The following DDX50 variants were observed in gnomAD, a reference collection of about 807,000 sequenced individuals.
DDX50 encodes the protein ATP-dependent RNA helicase DDX50.
In DDX50, 56 loss-of-function variants were observed where a neutral mutation model predicts 94.8. The ratio of observed to expected loss-of-function variants is 0.59; its 90% CI spans 0.48 to 0.74. DDX50 has a LOEUF of 0.74. Ranked by LOEUF, DDX50 falls within the 30% of genes least tolerant of loss-of-function variation. The pLI is 0.00. For missense variants in DDX50, 713 were observed against 881.2 expected (o/e 0.81, Z 2.42); for synonymous variants, 264 against 295.4 (o/e 0.89, Z 1.09).
At chr10:68,936,732 T>A (rs953021563) in intron 11 of DDX50, among the ~76,000 whole-genome samples, 5 of 151,158 alleles carry the variant, frequency 3.3e-5, no homozygotes, top group African/African-American at 1.2e-4. Context: ...TCCCAGCTAC[T>A]TGGAAGGCTG....
At chr10:68,913,664 T>G in intron 6 of DDX50, 88 bp downstream of exon 6, 7 of 1,294,100 alleles carry the variant, frequency 5.4e-6, no homozygotes, top group Non-Finnish European at 7.4e-6. Flanking sequence ...TTTATTGCAG[T>G]GTCCCCTGCG....
At chr10:68,923,540 A>G (rs1841998001) in intron 8 of DDX50, among the ~76,000 whole-genome samples, 1 of 151,148 alleles carries the variant, frequency 6.6e-6, no homozygotes, top group African/African-American at 2.4e-5. Flanking sequence ...TATTTTATTT[A>G]TTATCTTTTA....
chr10:68,935,955 A>G, intron 10 of DDX50, 51 bp from the exon 11 acceptor site: 1 of 1,250,402 alleles, frequency 8.0e-7, no homozygotes, highest in South Asian at 1.3e-5. Context: ...TAATTTAGGA[A>G]TTAATTGTAA....
intron 1 of DDX50, among the ~76,000 whole-genome samples, chr10:68,904,433 G>A (rs1841383130): frequency 6.6e-6 from 1 of 152,202 alleles, no homozygotes; most frequent in Admixed American, 6.5e-5. Context: ...GAGGAAGGGA[G>A]TCTGGAAGTA....
At chr10:68,909,669 GTTC>G (rs1377654835) in intron 2 of DDX50, among the ~76,000 whole-genome samples, 1 of 150,016 alleles carries the variant, frequency 6.7e-6, no homozygotes, top group East Asian at 1.9e-4. Flanking sequence ...TTTTTTTCTT[GTTC>G]TTCTTTTGAG....
chr10:68,943,935 T>C (rs938063974), intron 14 of DDX50, among the ~76,000 whole-genome samples: 2 of 152,208 alleles, frequency 1.3e-5, no homozygotes, highest in African/African-American at 4.8e-5. Flanking sequence ...ACTTGTATAA[T>C]GAATCTCCAT....
chr10:68,938,608 G>A (rs1274398346), intron 12 of DDX50, among the ~76,000 whole-genome samples: 4 of 152,156 alleles, frequency 2.6e-5, no homozygotes, highest in Non-Finnish European at 4.4e-5. Flanking sequence ...AAAGGGCAGG[G>A]CAGGTTCACT....
intron 14 of DDX50, among the ~76,000 whole-genome samples, chr10:68,945,129 T>C (rs1842639566): frequency 6.6e-6 from 1 of 152,180 alleles, no homozygotes; most frequent in African/African-American, 2.4e-5. Flanking sequence ...TGCATTGCCA[T>C]GTTTATCTCT....
intron 7 of DDX50, among the ~76,000 whole-genome samples, chr10:68,915,446 G>A (rs12413851): frequency 0.076 from 11,534 of 151,034 alleles, 588 homozygotes; most frequent in African/African-American, 0.14. Context: ...GGCTGGGTGC[G>A]GTGGCTCACG....
chr10:68,944,393 T>G (rs139866337), intron 14 of DDX50, among the ~76,000 whole-genome samples: 1 of 152,314 alleles, frequency 6.6e-6, no homozygotes, highest in Non-Finnish European at 1.5e-5. Context: ...AATGAAGAAT[T>G]TGTCTATTGT....
intron 2 of DDX50, among the ~76,000 whole-genome samples, chr10:68,909,431 C>T (rs80296412): frequency 1.7e-3 from 254 of 152,266 alleles, no homozygotes; most frequent in Non-Finnish European, 2.9e-3. Flanking sequence ...GTATTAGCAA[C>T]CTAAATAAGC....
intron 12 of DDX50, among the ~76,000 whole-genome samples, chr10:68,937,325 C>T (rs538696441): frequency 1.4e-4 from 21 of 152,100 alleles, no homozygotes; most frequent in Admixed American, 3.9e-4. Context: ...TAACCACATA[C>T]GATCCACCTA....
chr10:68,916,952 C>T (rs1167112150), intron 7 of DDX50, among the ~76,000 whole-genome samples: 1 of 152,126 alleles, frequency 6.6e-6, no homozygotes, highest in African/African-American at 2.4e-5. Flanking sequence ...TCTCGAAGTG[C>T]TGGGGTTACA....
intron 2 of DDX50, among the ~76,000 whole-genome samples, chr10:68,908,033 T>C (rs1432881356): frequency 2.6e-5 from 4 of 152,228 alleles, no homozygotes. Flanking sequence ...TAGGAAAATA[T>C]TTAAACATCC....
chr10:68,932,966 T>G (rs564453297), intron 8 of DDX50, among the ~76,000 whole-genome samples: 12 of 152,212 alleles, frequency 7.9e-5, no homozygotes, highest in South Asian at 4.1e-4. Flanking sequence ...ACCCAGAAAT[T>G]CAACTTCTAG....
chr10:68,914,222 A>G lies in DDX50; in HGVS notation c.1089+18A>G, dbSNP rs766219695. 14 of 1,602,808 alleles carry G rather than the reference A, an allele frequency of 8.7e-6. No homozygotes were observed. Among genetic ancestry groups the G allele is most frequent in the African/African-American group, 1.3e-5 (1 of 74,318 alleles). ...CTGTGGAAGTAAGTAGCTTTCTAGC[A>G]TGATAGATTTTAGCTTTTAGTTGGT... On this transcript the variant is annotated intron_variant, in intron 7 of 14. Coordinates refer to ENST00000373585, the MANE Select transcript of DDX50 (RefSeq NM_024045.2).
chr10:68,936,488 CAAAAAAAAAAA>C (rs1212336346), intron 11 of DDX50, among the ~76,000 whole-genome samples: 13 of 26,820 alleles, frequency 4.8e-4, no homozygotes, highest in Middle Eastern at 0.045. Flanking sequence ...GACTCTGTCT[CAAAAAAAAAAA>C]AAAAAAAAAA....
chr10:68,923,937 CTTTTTTTTTTTTTTTTTTTTT>C (rs56820953), intron 8 of DDX50, among the ~76,000 whole-genome samples: 1 of 42,410 alleles, frequency 2.4e-5, no homozygotes, highest in Non-Finnish European at 3.9e-5. Flanking sequence ...AGATAGTCTG[CTTTTTTTTTTTTTTTTTTTTT>C]TTTTTTTTTG....
Position 68,906,835 on chromosome 10 carries a change from A to G in DDX50, c.212A>G (p.Asn71Ser), listed in dbSNP as rs1199087707. ...AAATCTAAAATGAAAGAGAAGCTAA[A>G]TGGAGACACTGAAGAAGGATTTAAT... ...AKKSKMKEKL[N>S]GDTEEGFNRL... is the part of the protein sequence containing the mutation. The change falls in exon 2 of 15, where the codon AAT (asparagine) becomes AGT (serine). Residue 71 changes from asparagine (N) to serine (S), a missense_variant. Physicochemically the swap from Asn to Ser is conservative, Grantham distance 46. This residue lies in a region of DDX50 where 285 missense variants were observed against 278.9 expected (regional missense o/e 1.02). Coordinates refer to ENST00000373585, the MANE Select transcript of DDX50 (RefSeq NM_024045.2). The G allele has an allele frequency of 6.2e-7, 1 of 1,613,918 alleles. No homozygotes were observed. Among genetic ancestry groups the G allele is most frequent in the Non-Finnish European group, 8.5e-7 (1 of 1,179,986 alleles).
Sources: allele counts gnomAD v4.1 joint callset (sites outside exome capture counted in the v4.1 genomes callset), GRCh38; gene constraint gnomAD v4.1.1; regional missense constraint gnomAD v4.1.1; transcripts MANE v1.5; gene names NCBI Gene and HGNC (gene_info 2026-07-23, HGNC 2026-07-21).